The following TRUB2 variants were observed in gnomAD, a reference collection of about 807,000 sequenced individuals.
TRUB2 encodes TruB pseudouridine synthase family member 2, also known as pseudouridylate synthase TRUB2, mitochondrial.
TRUB2 carries 31 observed loss-of-function variants against 31.9 expected under a neutral mutation model. The observed-to-expected ratio is 0.97, with a 90% confidence interval of 0.73 to 1.31. The LOEUF (loss-of-function observed/expected upper bound fraction) is 1.31, where lower values mean the gene tolerates loss of function less well. TRUB2 is among the 50% of genes most tolerant of loss of function. The pLI is 0.00. For synonymous variants in TRUB2, 201 were observed against 182.6 expected (o/e 1.10, Z -0.81); for missense variants, 451 against 439.6 (o/e 1.03, Z -0.23).
At chr9:128,317,000 C>T (rs1345319439) in intron 3 of TRUB2, 152 bp downstream of exon 3, 3 of 653,730 alleles carry the variant, frequency 4.6e-6, no homozygotes, top group East Asian at 5.5e-5. Flanking sequence ...CACCTATCCA[C>T]TCCCCAGCTG....
intron 3 of TRUB2, chr9:128,315,851 G>A (rs1408823408): frequency 3.4e-5 from 19 of 559,542 alleles, no homozygotes; most frequent in South Asian, 7.9e-5. Context: ...CTCATGGTTG[G>A]AGGGGGCCTA....
Position 128,315,556 on chromosome 9 carries a change from G to A in TRUB2, c.378+11C>T. 6.2e-7 allele frequency: 1 copy of A among 1,612,624 alleles called. No individual in the cohort carries two copies. The highest frequency in any genetic ancestry group is 8.5e-7 in the Non-Finnish European group (1 of 1,179,432). On this transcript the variant is annotated intron_variant, in intron 4 of 7. Coordinates refer to ENST00000372890, the MANE Select transcript of TRUB2 (RefSeq NM_015679.3). ...CCAAGGGAGAAGCAGGCTGTCCCCA[G>A]ACCCTCGTACCTTGGTAAGATGAGC...
chr9:128,315,689 C>G, intron 3 of TRUB2, 61 bp from the exon 4 acceptor site: 3 of 1,546,938 alleles, frequency 1.9e-6, no homozygotes, highest in South Asian at 1.2e-5. Flanking sequence ...CTAAGTATCC[C>G]CACCCCTACC....
intron 5 of TRUB2, among the ~76,000 whole-genome samples, chr9:128,312,319 G>A (rs1222278811): frequency 6.6e-6 from 1 of 151,224 alleles, no homozygotes; most frequent in East Asian, 2.0e-4. Context: ...TGTATTTTTA[G>A]TAGAGACGGG....
rs1831852622 is a variant in TRUB2 at position 128,305,593 on chromosome 9, T to G, written c.*3957A>C. The G allele has an allele frequency of 6.6e-6, 1 of 152,316 alleles. No individual in the cohort carries two copies. The highest frequency in any genetic ancestry group is 1.5e-5 in the Non-Finnish European group (1 of 68,102). The allele number at this position is 152,316 out of a possible 1,614,324, so 9.4% of individuals were successfully genotyped here. ...TGGTAGAGACAGGGTTTCACCATAT[T>G]GGCCAGGCTGGTCTCGAACTCCTGA... is the stretch of plus-strand genomic sequence containing the variant. On this transcript the variant is annotated 3_prime_UTR_variant, in exon 8 of 8. Coordinates refer to ENST00000372890, the MANE Select transcript of TRUB2 (RefSeq NM_015679.3).
At position 128,307,313 on chromosome 9, in the gene TRUB2, C is replaced by T. The variant is rs1005529293; in HGVS notation, c.*2237G>A. The stretch of plus-strand genomic sequence containing the variant: ...ATATTTAGCCAGGCATCGTGGTGCA[C>T]GCCTGTAGTCCCAGCTATTCTGGAG... On this transcript the variant is annotated 3_prime_UTR_variant, in exon 8 of 8. Coordinates refer to ENST00000372890, the MANE Select transcript of TRUB2 (RefSeq NM_015679.3). 3.9e-5 allele frequency: 6 copies of T among 151,930 alleles called. No homozygotes were observed. Among genetic ancestry groups the T allele is most frequent in the Admixed American group, 1.3e-4 (2 of 15,246 alleles). 9.4% of individuals were successfully genotyped at this position (151,930 alleles called of 1,614,324 possible).
chr9:128,305,190 G>T lies in TRUB2; in HGVS notation c.*4360C>A, dbSNP rs1322021397. On this transcript the variant is annotated 3_prime_UTR_variant, in exon 8 of 8. Transcript: ENST00000372890. ...TTTAATCCCCATTTTATAGATAGGT[G>T]ACAGCTTCAGAGGCCACATTACCCA... 3 of 152,194 alleles carry T rather than the reference G, an allele frequency of 2.0e-5. No individual in the cohort carries two copies. Among genetic ancestry groups the T allele is most frequent in the Non-Finnish European group, 4.4e-5 (3 of 68,046 alleles). The allele number at this position is 152,194 out of a possible 1,614,324, so 9.4% of individuals were successfully genotyped here.
rs2131436678 is a variant in TRUB2, at chr9:128,305,462, C to T, written c.*4088G>A. 6.6e-6 allele frequency: 1 copy of T among 152,418 alleles called. No individual in the cohort carries two copies. Among genetic ancestry groups the T allele is most frequent in the East Asian group, 1.9e-4 (1 of 5,184 alleles). 9.4% of individuals were successfully genotyped at this position (152,418 alleles called of 1,614,324 possible). A position where few individuals can be genotyped will look rare whatever the true frequency, so the allele number is the denominator to read the frequency against. On this transcript the variant is annotated 3_prime_UTR_variant, in exon 8 of 8. Transcript: ENST00000372890. The stretch of plus-strand genomic sequence containing the variant: ...TCGTGTGATTTCAGCTCACTGCAAC[C>T]TCCACCTCCTGGGTTCAAATGATTC...
chr9:128,309,323 G>T lies in TRUB2; in HGVS notation c.*227C>A, dbSNP rs1831920945. 1 of 548,746 alleles carries T rather than the reference G, an allele frequency of 1.8e-6. No homozygotes were observed. Among genetic ancestry groups the T allele is most frequent in the East Asian group, 3.0e-5 (1 of 33,078 alleles). The allele number at this position is 548,746 out of a possible 1,614,324, so 34.0% of individuals were successfully genotyped here. A position where few individuals can be genotyped will look rare whatever the true frequency, so the allele number is the denominator to read the frequency against. On this transcript the variant is annotated 3_prime_UTR_variant, in exon 8 of 8. Coordinates refer to ENST00000372890, the MANE Select transcript of TRUB2 (RefSeq NM_015679.3). ...ATTACAAGTGCCCGCCACCACGCCT[G>T]GTCTGCCAATACTTTCTATCAGTCT... is the stretch of plus-strand genomic sequence containing the variant.
Position 128,309,125 on chromosome 9 carries a change from A to C in TRUB2, c.*425T>G. On this transcript the variant is annotated 3_prime_UTR_variant, in exon 8 of 8. Transcript: ENST00000372890. ...TACTTACAATTTTTTTTAATTTTTA[A>C]TTTTCGTGGGCACATAGTTTATTGA... 1 of 165,692 alleles carries C rather than the reference A, an allele frequency of 6.0e-6. No homozygotes were observed. Among genetic ancestry groups the C allele is most frequent in the Non-Finnish European group, 1.3e-5 (1 of 75,802 alleles). The allele number at this position is 165,692 out of a possible 1,614,324, so 10.3% of individuals were successfully genotyped here.
rs1204696656 is a variant in TRUB2 at position 128,311,001 on chromosome 9, T to C, written c.556A>G (p.Thr186Ala). Residue 186 changes from threonine (T) to alanine (A), a missense_variant, in exon 7 of 8, where the codon ACC (threonine) becomes GCC (alanine). By Grantham distance (58) the Thr-to-Ala change is moderately conservative (BLOSUM62 0). Coordinates refer to ENST00000372890, the MANE Select transcript of TRUB2 (RefSeq NM_015679.3). ...LVMYSNLDLK[T>A]QEAYEMAVRG... is the part of the protein sequence containing the mutation. ...ACGGCCATCTCATAGGCCTCCTGGG[T>C]CTTCAGGTCGAGGTTGGAGTACCTG... 1 of 1,613,952 alleles carries C rather than the reference T, an allele frequency of 6.2e-7. No homozygotes were observed. Among genetic ancestry groups the C allele is most frequent in the Non-Finnish European group, 8.5e-7 (1 of 1,179,892 alleles).
chr9:128,316,496 G>C (rs1189047195), intron 3 of TRUB2: 1 of 152,334 alleles, frequency 6.6e-6, no homozygotes, highest in African/African-American at 2.4e-5. Flanking sequence ...CTTTCTCCCG[G>C]TCTGTTTCTC....
rs984715953 is a variant in TRUB2, at chr9:128,321,873, G to C, written c.110-143C>G. 5.3e-6 allele frequency: 5 copies of C among 937,922 alleles called. No individual in the cohort carries two copies. In the African/African-American group the frequency reaches 8.3e-5, roughly 16 times the overall value. The allele number at this position is 937,922 out of a possible 1,614,324, so 58.1% of individuals were successfully genotyped here. ...TAGCTCACTGTAACGTCAAACTCTTGGGCTCAAGCGATCCTCCTGCCTCAG... is the reference window on the plus strand; with the variant it reads ...TAGCTCACTGTAACGTCAAACTCTTCGGCTCAAGCGATCCTCCTGCCTCAG... On this transcript the variant is annotated intron_variant, in intron 1 of 7. Coordinates refer to ENST00000372890, the MANE Select transcript of TRUB2 (RefSeq NM_015679.3).
At chr9:128,316,879 A>T in intron 3 of TRUB2, 3 of 427,940 alleles carry the variant, frequency 7.0e-6, no homozygotes, top group Non-Finnish European at 1.2e-5. Context: ...TCTACCTAAT[A>T]AAGTTGTTGT....
chr9:128,312,417 C>T (rs1016266932), intron 5 of TRUB2, among the ~76,000 whole-genome samples: 11 of 150,596 alleles, frequency 7.3e-5, no homozygotes, highest in Non-Finnish European at 1.0e-4. Flanking sequence ...GGATTACAGG[C>T]GTGAGCCACC....
Position 128,311,671 on chromosome 9 carries a change from C to A in TRUB2, c.461-70G>T, listed in dbSNP as rs1158988343. On this transcript the variant is annotated intron_variant, in intron 5 of 7. Transcript: ENST00000372890. ...ATTGGTCACAGCAAACTCCTTCCCC[C>A]CAGGCCAGCCCCATCCCTGGAACAT... The A allele has an allele frequency of 1.1e-5, 16 of 1,521,258 alleles. 1 individual carries two copies. In the Admixed American group the frequency reaches 1.9e-4, roughly 18 times the overall value. The allele number at this position is 1,521,258 out of a possible 1,614,324, so 94.2% of individuals were successfully genotyped here. A position where few individuals can be genotyped will look rare whatever the true frequency, so the allele number is the denominator to read the frequency against.
At chr9:128,311,136 T>C in intron 6 of TRUB2, 113 bp from the exon 7 acceptor site, 1 of 1,411,530 alleles carries the variant, frequency 7.1e-7, no homozygotes, top group East Asian at 2.3e-5. Flanking sequence ...CCGTGGCTCC[T>C]CCAGCCACCT....
At position 128,306,177 on chromosome 9, in the gene TRUB2, G is replaced by A. The variant is rs1272124047; in HGVS notation, c.*3373C>T. The A allele has an allele frequency of 6.6e-6, 1 of 152,028 alleles. No individual in the cohort carries two copies. Among genetic ancestry groups the A allele is most frequent in the Non-Finnish European group, 1.5e-5 (1 of 68,016 alleles). The allele number at this position is 152,028 out of a possible 1,614,324, so 9.4% of individuals were successfully genotyped here. A position where few individuals can be genotyped will look rare whatever the true frequency, so the allele number is the denominator to read the frequency against. ...TCCCAGCTGTCTGAGGCTGTACATTGACCAATTATTTTGGCCATGACTCAG... is the reference window on the plus strand; with the variant it reads ...TCCCAGCTGTCTGAGGCTGTACATTAACCAATTATTTTGGCCATGACTCAG... On this transcript the variant is annotated 3_prime_UTR_variant, in exon 8 of 8. Coordinates refer to ENST00000372890, the MANE Select transcript of TRUB2 (RefSeq NM_015679.3).
rs1831863968 is a variant in TRUB2 at position 128,306,304 on chromosome 9, C to T, written c.*3246G>A. On this transcript the variant is annotated 3_prime_UTR_variant, in exon 8 of 8. Transcript: ENST00000372890. ...GGCTCTAAATGGGGTGGTGTGACAG[C>T]CCATGTGCCCTACGTTCAAGTTACC... The T allele has an allele frequency of 6.6e-6, 1 of 152,044 alleles. No homozygotes were observed. The highest frequency in any genetic ancestry group is 2.1e-4 in the South Asian group (1 of 4,816). 9.4% of individuals were successfully genotyped at this position (152,044 alleles called of 1,614,324 possible).
Sources: allele counts gnomAD v4.1 joint callset (sites outside exome capture counted in the v4.1 genomes callset), GRCh38; gene constraint gnomAD v4.1.1; transcripts MANE v1.5; gene names NCBI Gene and HGNC (gene_info 2026-07-23, HGNC 2026-07-21).